Variants in NRG1 observed in about 807,000 individuals in gnomAD.
NRG1 encodes neuregulin 1.
Under a neutral mutation model 63.8 loss-of-function variants are expected in NRG1, and 18 were observed. The observed-to-expected ratio is 0.28, with a 90% CI of 0.19 to 0.42. The LOEUF (loss-of-function observed/expected upper bound fraction) is 0.42, where lower values mean the gene tolerates loss of function less well. Among genes scored for constraint, NRG1 ranks in the 10% least tolerant of loss-of-function variants. NRG1 has a pLI of 1.00. For missense variants in NRG1, 762 were observed against 814.7 expected, an observed-to-expected ratio of 0.94 and a Z score of 0.79; for synonymous variants, 302 against 301.3, an observed-to-expected ratio of 1.00 and a Z score of -0.02.
chr8:32,520,100 C>T (rs1224891475), intron 1 of NRG1, among the ~76,000 whole-genome samples: 1 of 152,160 alleles, frequency 6.6e-6, no homozygotes, highest in East Asian at 1.9e-4. Context: ...TAAAGCCTGG[C>T]TTCACCACTC....
chr8:32,695,041 C>T (rs1311066446), intron 5 of NRG1, among the ~76,000 whole-genome samples: 2 of 152,016 alleles, frequency 1.3e-5, no homozygotes, highest in Admixed American at 1.3e-4. Flanking sequence ...TAAAATATAC[C>T]AGCAAAGTTG....
In NRG1 at chr8:32,344,924, C is replaced by A. The variant is rs1169490543; in HGVS notation, c.38-250904C>A. On this transcript the variant is annotated intron_variant, in intron 1 of 10. Coordinates refer to the NRG1 transcript ENST00000519301. ...GATCTAGAAGACGGATCTCTCTGAGCCATAATTTCTGCTCAAGGCTTGCTA... is the reference window on the plus strand; with the variant it reads ...GATCTAGAAGACGGATCTCTCTGAGACATAATTTCTGCTCAAGGCTTGCTA... 2.6e-5 allele frequency among the ~76,000 whole-genome samples: 4 copies of A among 152,074 alleles called. No individual in the cohort carries two copies. In the South Asian group the frequency reaches 6.2e-4, roughly 24 times the overall value.
At chr8:32,255,267 A>G (rs994489523) in intron 1 of NRG1, among the ~76,000 whole-genome samples, 2 of 152,176 alleles carry the variant, frequency 1.3e-5, no homozygotes, top group Non-Finnish European at 2.9e-5. Flanking sequence ...CTGTTAGTTG[A>G]TGCAGTTTCT....
At chr8:32,510,623 AGT>A (rs1829066199) in intron 1 of NRG1, among the ~76,000 whole-genome samples, 2 of 152,102 alleles carry the variant, frequency 1.3e-5, no homozygotes, top group Non-Finnish European at 2.9e-5. Flanking sequence ...GTGCAGGATG[AGT>A]GATTCTGGAG....
At chr8:32,705,875 T>C (rs2128970782) in intron 5 of NRG1, among the ~76,000 whole-genome samples, 1 of 152,366 alleles carries the variant, frequency 6.6e-6, no homozygotes, top group East Asian at 1.9e-4. Flanking sequence ...CTACATGTCC[T>C]CGACAAGTCT....
intron 1 of NRG1, among the ~76,000 whole-genome samples, chr8:32,367,816 A>T (rs964919177): frequency 1.3e-5 from 2 of 152,134 alleles, no homozygotes; most frequent in African/African-American, 4.8e-5. Flanking sequence ...CCTAAATTTA[A>T]GTCTTCAATC....
rs922500598 is a variant in NRG1 at position 32,158,354 on chromosome 8, A to T, written c.38-437474A>T. ...AAGAATGAGGTAATAGGAATTTTTT[A>T]AAAAAAGATTAAAATAATACTATCA... On this transcript the variant is annotated intron_variant, in intron 1 of 10. Transcript: ENST00000519301. 1.3e-4 allele frequency among the ~76,000 whole-genome samples: 20 copies of T among 150,338 alleles called. 1 individual carries two copies. The highest frequency in any genetic ancestry group is 1.3e-3 in the South Asian group (6 of 4,708).
chr8:32,085,041 G>A (rs1381874), intron 1 of NRG1, among the ~76,000 whole-genome samples: 20,562 of 152,200 alleles, frequency 0.14, 3,095 homozygotes, highest in African/African-American at 0.37. Context: ...ATGCGCAAGC[G>A]TAACTGCTGG....
chr8:31,950,154 A>G lies in NRG1; in HGVS notation c.37+310723A>G, dbSNP rs562362102. Among the ~76,000 whole-genome samples, 274 of 152,364 alleles carry G rather than the reference A, an allele frequency of 1.8e-3. 1 individual carries two copies. Among genetic ancestry groups the G allele is most frequent in the African/African-American group, 6.2e-3 (259 of 41,584 alleles). ...CTAGGGGACATGTAATACTCTAGGC[A>G]AGACCCAAGATAGAACAGGGACAGT... is the stretch of plus-strand genomic sequence containing the variant. On this transcript the variant is annotated intron_variant, in intron 1 of 10. Coordinates refer to the NRG1 transcript ENST00000519301.
chr8:32,290,115 C>G (rs1415737599), intron 1 of NRG1, among the ~76,000 whole-genome samples: 1 of 152,030 alleles, frequency 6.6e-6, no homozygotes, highest in Non-Finnish European at 1.5e-5. Flanking sequence ...GTGGCATGCA[C>G]CTGTAGTCCT....
At chr8:31,698,716 C>A (rs113578044) in intron 1 of NRG1, among the ~76,000 whole-genome samples, 5 of 152,198 alleles carry the variant, frequency 3.3e-5, no homozygotes, top group African/African-American at 9.6e-5. Context: ...CATTTTCCTC[C>A]AAAAATTTGG....
intron 1 of NRG1, among the ~76,000 whole-genome samples, chr8:32,156,482 C>T (rs1293924714): frequency 6.6e-6 from 1 of 152,172 alleles, no homozygotes; most frequent in Admixed American, 6.5e-5. Context: ...ATTTTTATGT[C>T]ACCATTGTAA....
chr8:32,122,263 C>G (rs901651871), intron 1 of NRG1, among the ~76,000 whole-genome samples: 1 of 151,756 alleles, frequency 6.6e-6, no homozygotes, highest in African/African-American at 2.4e-5. Context: ...CTCTCTTGCT[C>G]TAAGCTACTG....
rs566575562 is a variant in NRG1 at position 31,646,273 on chromosome 8, G to A, written c.37+6842G>A. 2.0e-4 allele frequency among the ~76,000 whole-genome samples: 30 copies of A among 152,302 alleles called. 1 individual carries two copies. The East Asian group carries it at 5.4e-3, about 27-fold the overall frequency. On this transcript the variant is annotated intron_variant, in intron 1 of 10. Transcript: ENST00000519301. ...ACAGCTCTGAGTGGTGCATGAATCC[G>A]GAGCTAGTAGCCAGGTTTATGAGGT...
At position 32,092,239 on chromosome 8, in the gene NRG1, G is replaced by A. The variant is rs557839418; in HGVS notation, c.37+452808G>A. ...TCTGGGAAGCTGAAGCAAGAGGATCGCTTGAGCCCAGTTCTAGACTAACCT... is the reference window on the plus strand; with the variant it reads ...TCTGGGAAGCTGAAGCAAGAGGATCACTTGAGCCCAGTTCTAGACTAACCT... On this transcript the variant is annotated intron_variant, in intron 1 of 10. Transcript: ENST00000519301. 5.9e-5 allele frequency among the ~76,000 whole-genome samples: 9 copies of A among 151,890 alleles called. No individual in the cohort carries two copies. The South Asian group carries it at 8.3e-4, about 14-fold the overall frequency.
rs144955173 is a variant in NRG1, at chr8:31,844,695, A to C, written c.37+205264A>C. ...TACTCATCTGTGAAGGTAGATAATA[A>C]AACCTACCCCCAAAAGGTTGCAGTG... On this transcript the variant is annotated intron_variant, in intron 1 of 10. Transcript: ENST00000519301. Among the ~76,000 whole-genome samples, 932 of 152,248 alleles carry C rather than the reference A, an allele frequency of 6.1e-3. 12 individuals are homozygous for C. Among genetic ancestry groups the C allele is most frequent in the African/African-American group, 0.021 (888 of 41,532 alleles).
intron 1 of NRG1, chr8:32,441,225 G>T (rs1331749932): frequency 1.3e-5 from 2 of 152,068 alleles, no homozygotes; most frequent in African/African-American, 4.8e-5. Flanking sequence ...ACATGTTTTA[G>T]GTTATGTTTC....
chr8:31,995,955 GC>G (rs1313845551), intron 1 of NRG1, among the ~76,000 whole-genome samples: 17 of 151,492 alleles, frequency 1.1e-4, no homozygotes, highest in Admixed American at 1.1e-3. Flanking sequence ...TTCTTTCAAA[GC>G]CCCTTTGAAA....
chr8:32,062,669 C>T (rs1007542354), intron 1 of NRG1, among the ~76,000 whole-genome samples: 1 of 151,988 alleles, frequency 6.6e-6, no homozygotes, highest in Admixed American at 6.6e-5. Flanking sequence ...CTTTTCTCAC[C>T]TCTTGACAGA....
Sources: gnomAD v4.1 joint callset for allele counts (sites outside exome capture counted in the v4.1 genomes callset) on GRCh38, gnomAD v4.1.1 for gene constraint, MANE v1.5 for transcripts, NCBI Gene and HGNC (gene_info 2026-07-23, HGNC 2026-07-21) for gene names.